Variants in REG3G observed in about 807,000 individuals in gnomAD.
The protein encoded by REG3G is regenerating family member 3 gamma.
A neutral mutation model predicts 20.9 loss-of-function variants in REG3G; 19 were observed. The ratio of observed to expected loss-of-function variants is 0.91; its 90% CI spans 0.64 to 1.34. The LOEUF is 1.34. Ranked by LOEUF, REG3G falls within the 40% of genes most tolerant of loss-of-function variation. The probability of loss-of-function intolerance (pLI) is 0.00; values close to 1 mark genes in which losing one functional copy is unlikely to be tolerated. For missense variants in REG3G, 235 were observed against 205.0 expected, an observed-to-expected ratio of 1.15 and a Z score of -0.89; for synonymous variants, 89 against 77.4, an observed-to-expected ratio of 1.15 and a Z score of -0.79.
intron 4 of REG3G, 90 bp downstream of exon 4, chr2:79,027,261 A>G: frequency 7.2e-7 from 1 of 1,388,094 alleles, no homozygotes; most frequent in Admixed American, 1.8e-5. Flanking sequence ...CCCAGGAAGT[A>G]CTTTAGGGAG....
Position 79,027,035 on chromosome 2 carries a change from T to C in REG3G, c.197T>C (p.Leu66Pro), listed in dbSNP as rs1671641226. Residue 66 changes from leucine (L) to proline (P), a missense_variant and splice_region_variant, in exon 4 of 6, where the codon CTG becomes CCG. Coordinates refer to ENST00000272324, the MANE Select transcript of REG3G (RefSeq NM_001008387.3). ...TCATTCTCTTTGTCCCCCTCAAAGC[T>C]GGCTTGCCAGAAGCGGCCCTCTGGA... Reference protein sequence around the residue: ...LSPKSWMDADLACQKRPSGKL... With the variant: ...LSPKSWMDADPACQKRPSGKL... 3.1e-6 allele frequency: 5 copies of C among 1,613,968 alleles called. No homozygotes were observed. Among genetic ancestry groups the C allele is most frequent in the African/African-American group, 2.7e-5 (2 of 74,918 alleles).
Position 79,026,029 on chromosome 2 carries a change from T to C in REG3G, c.-65T>C. The C allele has an allele frequency of 2.0e-6, 3 of 1,486,454 alleles. No individual in the cohort carries two copies. The highest frequency in any genetic ancestry group is 2.8e-6 in the Non-Finnish European group (3 of 1,065,404). The allele number at this position is 1,486,454 out of a possible 1,614,324, so 92.1% of individuals were successfully genotyped here. A position where few individuals can be genotyped will look rare whatever the true frequency, so the allele number is the denominator to read the frequency against. Reference sequence around the variant, plus strand: ...AAAAGACAAGAGGCAGTAGGATATCTGTGTGTCCTCCCGCTGACCACACTT... The same window carrying C: ...AAAAGACAAGAGGCAGTAGGATATCCGTGTGTCCTCCCGCTGACCACACTT... On this transcript the variant is annotated 5_prime_UTR_variant, in exon 2 of 6. Coordinates refer to ENST00000272324, the MANE Select transcript of REG3G (RefSeq NM_001008387.3).
chr2:79,025,896 T>C, intron 1 of REG3G, 87 bp from the exon 2 acceptor site: 3 of 582,670 alleles, frequency 5.1e-6, no homozygotes, highest in Non-Finnish European at 9.2e-6. Flanking sequence ...AAGGCTGTAC[T>C]GGGAGGTCTC....
chr2:79,025,810 GGGCAA>G, intron 1 of REG3G, 37 bp downstream of exon 1: 1 of 364,344 alleles, frequency 2.7e-6, no homozygotes, highest in Non-Finnish European at 5.1e-6. Context: ...ACCTGTGGAA[GGGCAA>G]CCTCACATAA....
rs115709602 is a variant in REG3G, at chr2:79,027,053, C to A, written c.215C>A (p.Pro72His). Residue 72 changes from proline to histidine, a missense_variant, in exon 4 of 6, where the codon CCC (proline) becomes CAC (histidine). Transcript: ENST00000272324. ...MDADLACQKR[P>H]SGKLVSVLSG... ...TCAAAGCTGGCTTGCCAGAAGCGGCCCTCTGGAAAACTGGTGTCTGTGCTC... is the reference window on the plus strand; with the variant it reads ...TCAAAGCTGGCTTGCCAGAAGCGGCACTCTGGAAAACTGGTGTCTGTGCTC... 6.2e-7 allele frequency: 1 copy of A among 1,613,930 alleles called. No individual in the cohort carries two copies. The highest frequency in any genetic ancestry group is 1.3e-5 in the African/African-American group (1 of 74,890).
chr2:79,026,979 T>G, intron 3 of REG3G, 55 bp from the exon 4 acceptor site: 1 of 1,610,436 alleles, frequency 6.2e-7, no homozygotes. Flanking sequence ...ACCTTTTCCC[T>G]GCCCTCCCTC....
In REG3G at chr2:79,027,246, C is replaced by T. The variant is rs1558696275; in HGVS notation, c.333+75C>T. The T allele has an allele frequency of 3.3e-6, 5 of 1,501,226 alleles. No homozygotes were observed. The African/African-American group carries it at 4.1e-5, about 12-fold the overall frequency. 93.0% of individuals were successfully genotyped at this position (1,501,226 alleles called of 1,614,324 possible). A position where few individuals can be genotyped will look rare whatever the true frequency, so the allele number is the denominator to read the frequency against. On this transcript the variant is annotated intron_variant, in intron 4 of 5. Transcript: ENST00000272324. ...CCCAGGCGCACTCCCTGTCCCCAGT[C>T]CCTGCCCAGGAAGTACTTTAGGGAG... is the stretch of plus-strand genomic sequence containing the variant.
chr2:79,026,218 C>T (rs1389742794), intron 2 of REG3G, 49 bp downstream of exon 2: 25 of 1,579,464 alleles, frequency 1.6e-5, no homozygotes, highest in Non-Finnish European at 2.2e-5. Flanking sequence ...ATCCTCAGAG[C>T]CAAGAAAAGG....
Position 79,026,465 on chromosome 2 carries a change from T to C in REG3G, c.77-248T>C, listed in dbSNP as rs1003942032. Reference sequence around the variant, plus strand: ...GAGGGACAATGATTGGAGGACCCAATATAGAGATAGCCCACAGTGAAGAGA... The same window carrying C: ...GAGGGACAATGATTGGAGGACCCAACATAGAGATAGCCCACAGTGAAGAGA... On this transcript the variant is annotated intron_variant, in intron 2 of 5. Transcript: ENST00000272324. The C allele has an allele frequency of 4.0e-5, 24 of 596,978 alleles. No homozygotes were observed. The Middle Eastern group carries it at 1.8e-3, about 44-fold the overall frequency. The allele number at this position is 596,978 out of a possible 1,614,324, so 37.0% of individuals were successfully genotyped here.
intron 4 of REG3G, among the ~76,000 whole-genome samples, chr2:79,027,502 C>T (rs934001808): frequency 2.0e-5 from 3 of 152,258 alleles, no homozygotes; most frequent in African/African-American, 7.2e-5. Flanking sequence ...AATTTTGCCC[C>T]CATACAGAAT....
chr2:79,026,598 A>G, intron 2 of REG3G, 115 bp from the exon 3 acceptor site: 2 of 805,956 alleles, frequency 2.5e-6, no homozygotes, highest in African/African-American at 1.7e-5. Context: ...GGGAAGATGA[A>G]GAGCTGTCAG....
intron 5 of REG3G, 133 bp downstream of exon 5, chr2:79,028,066 C>T (rs748024619): frequency 1.7e-5 from 22 of 1,300,356 alleles, no homozygotes; most frequent in Non-Finnish European, 2.3e-5. Context: ...TCATCTCTGC[C>T]TTCTTTGAGT....
Position 79,028,247 on chromosome 2 carries a change from T to C in REG3G, c.499T>C (p.Leu167=). The C allele has an allele frequency of 6.2e-7, 1 of 1,613,304 alleles. No homozygotes were observed. Among genetic ancestry groups the C allele is most frequent in the South Asian group, 1.1e-5 (1 of 91,062 alleles). ...KWKDYNCDAK[L]PYVCKFKD is the part of the protein sequence containing the mutation. ...GAAAGATTATAACTGTGATGCAAAGTTACCCTATGTCTGCAAGTTCAAGGA... is the reference window on the plus strand; with the variant it reads ...GAAAGATTATAACTGTGATGCAAAGCTACCCTATGTCTGCAAGTTCAAGGA... Residue 167 remains leucine, a synonymous_variant, in exon 6 of 6, where the codon TTA becomes CTA. Transcript: ENST00000272324.
chr2:79,026,030 G>A lies in REG3G; in HGVS notation c.-64G>A, dbSNP rs1671608361. 4 of 1,500,648 alleles carry A rather than the reference G, an allele frequency of 2.7e-6. No individual in the cohort carries two copies. In the South Asian group the frequency reaches 3.4e-5, roughly 13 times the overall value. 93.0% of individuals were successfully genotyped at this position (1,500,648 alleles called of 1,614,324 possible). On this transcript the variant is annotated 5_prime_UTR_variant, in exon 2 of 6. In the 5' UTR this introduces an upstream ATG that the reference lacks. Transcript: ENST00000272324. ...AAAGACAAGAGGCAGTAGGATATCT[G>A]TGTGTCCTCCCGCTGACCACACTTC...
At position 79,026,060 on chromosome 2, in the gene REG3G, A is replaced by T. The variant is rs781193406; in HGVS notation, c.-34A>T. On this transcript the variant is annotated 5_prime_UTR_variant, in exon 2 of 6. Transcript: ENST00000272324. ...TCCTCCCGCTGACCACACTTCCTTT[A>T]GTGACCCGATTGCCTCCTCAAGTCG... 2 of 1,606,546 alleles carry T rather than the reference A, an allele frequency of 1.2e-6. No individual in the cohort carries two copies. Among genetic ancestry groups the T allele is most frequent in the South Asian group, 2.2e-5 (2 of 90,916 alleles).
In REG3G at chr2:79,026,705, C is replaced by T. The variant is rs1238182338; in HGVS notation, c.77-8C>T. On this transcript the variant is annotated splice_polypyrimidine_tract_variant and splice_region_variant and intron_variant, in intron 2 of 5. Transcript: ENST00000272324. Reference sequence around the variant, plus strand: ...TCATTTTACTCTCTCCCTTTTCTTCCACCCCAGGTGAAGAAACCCAGAAGG... The same window carrying T: ...TCATTTTACTCTCTCCCTTTTCTTCTACCCCAGGTGAAGAAACCCAGAAGG... 2 of 1,608,990 alleles carry T rather than the reference C, an allele frequency of 1.2e-6. No individual in the cohort carries two copies. The highest frequency in any genetic ancestry group is 2.2e-5 in the South Asian group (2 of 90,898).
At chr2:79,026,304 T>G (rs1671618776) in intron 2 of REG3G, 135 bp downstream of exon 2, 1 of 823,702 alleles carries the variant, frequency 1.2e-6, no homozygotes, top group Admixed American at 2.1e-5. Context: ...GCATCATCAC[T>G]CCTTCCTTCA....
At chr2:79,025,958 A>G in intron 1 of REG3G, 25 bp from the exon 2 acceptor site, 2 of 773,418 alleles carry the variant, frequency 2.6e-6, no homozygotes, top group Admixed American at 4.5e-5. Flanking sequence ...GTAGAAGATG[A>G]TGAATGTGAC....
Position 79,028,475 on chromosome 2 carries a change from G to A in REG3G, c.*199G>A. ...GTCTTCCATGTCTTGAGATCTCAGA[G>A]AATAATAATAAAAATGTTACTTTAT... is the stretch of plus-strand genomic sequence containing the variant. On this transcript the variant is annotated 3_prime_UTR_variant, in exon 6 of 6. Transcript: ENST00000272324. The A allele has an allele frequency of 2.0e-6, 1 of 509,368 alleles. No individual in the cohort carries two copies. Among genetic ancestry groups the A allele is most frequent in the South Asian group, 3.1e-5 (1 of 31,842 alleles). The allele number at this position is 509,368 out of a possible 1,614,324, so 31.6% of individuals were successfully genotyped here.
Sources: gnomAD v4.1 joint callset for allele counts (sites outside exome capture counted in the v4.1 genomes callset) on GRCh38, gnomAD v4.1.1 for gene constraint, MANE v1.5 for transcripts, NCBI Gene and HGNC (gene_info 2026-07-23, HGNC 2026-07-21) for gene names.